The following FAM178B variants were observed in gnomAD, a reference collection of about 807,000 sequenced individuals.
The protein encoded by FAM178B is protein FAM178B.
In FAM178B, 82 loss-of-function variants were observed where a neutral mutation model predicts 91.7. The ratio of observed to expected loss-of-function variants is 0.89; its 90% confidence interval spans 0.75 to 1.07. FAM178B has a LOEUF of 1.07. Among genes scored for constraint, FAM178B ranks in the 50% least tolerant of loss-of-function variants. The pLI is 0.00. For missense variants in FAM178B, 769 were observed against 846.7 expected (o/e 0.91, Z 1.14); for synonymous variants, 368 against 359.4 (o/e 1.02, Z -0.27).
At chr2:96,967,911 C>CTTTTTTTTTTTTTTTTTTTTTTTTTT (rs60965536) in intron 4 of FAM178B, among the ~76,000 whole-genome samples, 1 of 62,444 alleles carries the variant, frequency 1.6e-5, no homozygotes, top group Non-Finnish European at 3.0e-5. Flanking sequence ...CCTGTTTGGT[C>CTTTTTTTTTTTTTTTTTTTTTTTTTT]TTTTTTTTTT....
At chr2:96,895,028 A>C in intron 13 of FAM178B, 9 of 1,286,054 alleles carry the variant, frequency 7.0e-6, no homozygotes, top group Non-Finnish European at 9.1e-6. Flanking sequence ...CCATGAAGAG[A>C]GACCATGGAC....
intron 9 of FAM178B, among the ~76,000 whole-genome samples, chr2:96,928,843 T>A (rs1574263695): frequency 2.0e-5 from 3 of 151,998 alleles, no homozygotes; most frequent in Non-Finnish European, 4.4e-5. Flanking sequence ...TCCAGCAACT[T>A]CCAAACAAAC....
At chr2:96,919,967 C>T (rs2081305978) in intron 12 of FAM178B, among the ~76,000 whole-genome samples, 1 of 152,182 alleles carries the variant, frequency 6.6e-6, no homozygotes. Flanking sequence ...GATTCAAACT[C>T]CAAGCCGGCT....
intron 4 of FAM178B, among the ~76,000 whole-genome samples, chr2:96,969,088 C>T (rs1009131194): frequency 1.3e-5 from 2 of 152,232 alleles, no homozygotes; most frequent in Admixed American, 6.5e-5. Flanking sequence ...CTGGGCTCCT[C>T]CACGGCAACA....
rs772886671 is a variant in FAM178B, at chr2:96,877,982, T to A, written c.1915A>T (p.Ser639Cys). Residue 639 changes from serine to cysteine, a missense_variant, in exon 16 of 17, where the codon AGC becomes TGC. Ser to Cys is a moderately radical substitution (Grantham distance 112). Coordinates refer to ENST00000490605, the MANE Select transcript of FAM178B (RefSeq NM_001122646.3). Reference protein sequence around the residue: ...DRHISTQIRESPQAMHRTMLK... With the variant: ...DRHISTQIRECPQAMHRTMLK... ...ATGGTGCGGTGCATGGCCTGGGGGC[T>A]CTCCCGGATCTGCGTGCTGATGTGG... The A allele has an allele frequency of 6.2e-7, 1 of 1,613,460 alleles. No individual in the cohort carries two copies. The highest frequency in any genetic ancestry group is 8.5e-7 in the Non-Finnish European group (1 of 1,180,014).
At chr2:96,901,128 G>A (rs1490040333) in intron 13 of FAM178B, among the ~76,000 whole-genome samples, 1 of 151,782 alleles carries the variant, frequency 6.6e-6, no homozygotes, top group African/African-American at 2.4e-5. Flanking sequence ...TGCAGTCAGA[G>A]CTTTTTGGAG....
intron 10 of FAM178B, among the ~76,000 whole-genome samples, chr2:96,922,511 G>A (rs945798675): frequency 6.6e-6 from 1 of 152,128 alleles, no homozygotes; most frequent in African/African-American, 2.4e-5. Context: ...CACCGCGCCC[G>A]ACTAATTATT....
chr2:96,934,705 T>C (rs2081596475), intron 8 of FAM178B, among the ~76,000 whole-genome samples: 2 of 152,334 alleles, frequency 1.3e-5, no homozygotes, highest in African/African-American at 2.4e-5. Flanking sequence ...TGCTGACCGC[T>C]TGCTGTTCCT....
At chr2:96,895,107 C>CGAAGGA (rs2080795303) in intron 13 of FAM178B, 2 of 1,289,420 alleles carry the variant, frequency 1.6e-6, no homozygotes, top group African/African-American at 3.0e-5. Flanking sequence ...CCTGTGTCTT[C>CGAAGGA]AGCCCCTGCC....
rs1484989752 is a variant in FAM178B at position 96,951,524 on chromosome 2, C to T, written c.888-40G>A. 3.4e-6 allele frequency: 5 copies of T among 1,470,626 alleles called. No homozygotes were observed. In the South Asian group the frequency reaches 6.1e-5, roughly 18 times the overall value. 91.1% of individuals were successfully genotyped at this position (1,470,626 alleles called of 1,614,324 possible). On this transcript the variant is annotated intron_variant, in intron 6 of 16. Coordinates refer to ENST00000490605, the MANE Select transcript of FAM178B (RefSeq NM_001122646.3). ...GCTGAGGTTAGGGGAGGCCTCTGTG[C>T]CAGCACACTTGTCTCGGTGACACCG...
In FAM178B at chr2:96,970,898, G is replaced by C. The variant is rs921397734; in HGVS notation, c.565-121C>G. On this transcript the variant is annotated intron_variant, in intron 3 of 16. Transcript: ENST00000490605. ...GTTTGCTTTTCTGAAAAGATACTAT[G>C]TTTACAGGATTAAAAAATCAAAAAG... is the stretch of plus-strand genomic sequence containing the variant. 5 of 764,618 alleles carry C rather than the reference G, an allele frequency of 6.5e-6. No individual in the cohort carries two copies. The African/African-American group carries it at 7.0e-5, about 11-fold the overall frequency. The allele number at this position is 764,618 out of a possible 1,614,324, so 47.4% of individuals were successfully genotyped here. A position where few individuals can be genotyped will look rare whatever the true frequency, so the allele number is the denominator to read the frequency against.
In FAM178B at chr2:96,921,280, CCCA is replaced by C; in HGVS notation, c.1465-21_1465-19del. 6.5e-7 allele frequency: 1 copy of C among 1,550,030 alleles called. No individual in the cohort carries two copies. Among genetic ancestry groups the C allele is most frequent in the Non-Finnish European group, 8.7e-7 (1 of 1,145,740 alleles). The stretch of plus-strand genomic sequence containing the variant: ...TCCTGGAGCTGCAGGAGAACGGCAC[CCCA>C]TGGGCTACAGGAGGACACCGCCTTC... On this transcript the variant is annotated intron_variant, in intron 11 of 16. Transcript: ENST00000490605.
At chr2:96,951,341 G>C in intron 7 of FAM178B, 38 bp downstream of exon 7, 1 of 1,477,850 alleles carries the variant, frequency 6.8e-7, no homozygotes, top group South Asian at 1.2e-5. Flanking sequence ...CCAGACTGCA[G>C]CGCTCCCGCC....
chr2:96,923,480 C>T lies in FAM178B; in HGVS notation c.1287+10G>A, dbSNP rs1235302582. ...AGAGTGCCCTGCATGAGGCAGGCGG[C>T]TTGACTCACCTTGTAGATGTGGCCC... On this transcript the variant is annotated intron_variant, in intron 10 of 16. Coordinates refer to ENST00000490605, the MANE Select transcript of FAM178B (RefSeq NM_001122646.3). The T allele has an allele frequency of 1.9e-6, 3 of 1,549,630 alleles. No individual in the cohort carries two copies. Among genetic ancestry groups the T allele is most frequent in the East Asian group, 4.9e-5 (2 of 40,904 alleles).
At chr2:96,944,138 A>T (rs2081780641) in intron 8 of FAM178B, among the ~76,000 whole-genome samples, 1 of 148,714 alleles carries the variant, frequency 6.7e-6, no homozygotes, top group Non-Finnish European at 1.5e-5. Flanking sequence ...GCTACTTAGG[A>T]GGCTGAGGCA....
intron 8 of FAM178B, among the ~76,000 whole-genome samples, chr2:96,930,075 G>A (rs1385347380): frequency 2.6e-5 from 4 of 151,912 alleles, no homozygotes; most frequent in East Asian, 3.9e-4. Flanking sequence ...GAAAGTAGCC[G>A]AGCATGGCGG....
At chr2:96,888,724 T>C (rs1473680810) in intron 14 of FAM178B, among the ~76,000 whole-genome samples, 4 of 152,220 alleles carry the variant, frequency 2.6e-5, no homozygotes, top group African/African-American at 9.6e-5. Context: ...CACAAGGATA[T>C]ACAGGAGATG....
chr2:96,880,962 G>A (rs2080368036), intron 14 of FAM178B, among the ~76,000 whole-genome samples: 2 of 152,204 alleles, frequency 1.3e-5, no homozygotes, highest in South Asian at 4.1e-4. Flanking sequence ...GGGTGGGTGT[G>A]AGGCATGGGA....
At chr2:96,893,295 G>C (rs1336808221) in intron 14 of FAM178B, among the ~76,000 whole-genome samples, 1 of 152,076 alleles carries the variant, frequency 6.6e-6, no homozygotes, top group Non-Finnish European at 1.5e-5. Flanking sequence ...CCACATCCCT[G>C]CTCTGACATT....
Sources: gnomAD v4.1 joint callset for allele counts (sites outside exome capture counted in the v4.1 genomes callset) on GRCh38, gnomAD v4.1.1 for gene constraint, MANE v1.5 for transcripts, NCBI Gene and HGNC (gene_info 2026-07-23, HGNC 2026-07-21) for gene names.